Variants in CBFB observed in about 807,000 individuals in gnomAD.
CBFB encodes the protein core-binding factor subunit beta, also known as CBF-beta.
In CBFB, 9 loss-of-function variants were observed where a neutral mutation model predicts 30.4. The ratio of observed to expected loss-of-function variants is 0.30; its 90% confidence interval spans 0.18 to 0.52. The LOEUF (loss-of-function observed/expected upper bound fraction) is 0.52, where lower values mean the gene tolerates loss of function less well. Ranked by LOEUF, CBFB falls within the 20% of genes least tolerant of loss-of-function variation. The pLI is 0.97. For synonymous variants in CBFB, 94 were observed against 84.0 expected, an observed-to-expected ratio of 1.12 and a Z score of -0.65; for missense variants, 170 against 244.0, an observed-to-expected ratio of 0.70 and a Z score of 2.02.
intron 3 of CBFB, among the ~76,000 whole-genome samples, chr16:67,049,598 G>A (rs1966703490): frequency 6.6e-6 from 1 of 151,900 alleles, no homozygotes; most frequent in African/African-American, 2.4e-5. Flanking sequence ...AGGCTCAAGC[G>A]ATTCTTCCAC....
At chr16:67,072,647 G>A (rs1961259453) in intron 4 of CBFB, among the ~76,000 whole-genome samples, 1 of 151,138 alleles carries the variant, frequency 6.6e-6, no homozygotes, top group Non-Finnish European at 1.5e-5. Context: ...TGTATTTTTA[G>A]TAGAGACGGG....
intron 5 of CBFB, among the ~76,000 whole-genome samples, chr16:67,086,637 A>G (rs1042315658): frequency 5.3e-5 from 8 of 152,220 alleles, no homozygotes; most frequent in South Asian, 2.1e-4. Context: ...TCATGTAGAT[A>G]ATACATATTA....
At chr16:67,093,931 A>G (rs1386385504) in intron 5 of CBFB, among the ~76,000 whole-genome samples, 4 of 152,220 alleles carry the variant, frequency 2.6e-5, no homozygotes, top group Non-Finnish European at 5.9e-5. Context: ...TGCTTCTTAA[A>G]GCAGCTGCTT....
At chr16:67,076,191 C>T (rs1039289463) in intron 4 of CBFB, among the ~76,000 whole-genome samples, 3 of 144,332 alleles carry the variant, frequency 2.1e-5, no homozygotes, top group Non-Finnish European at 4.4e-5. Context: ...GATCGCGCCA[C>T]TGCACTCCAG....
chr16:67,051,255 G>A (rs1004142043), intron 3 of CBFB, among the ~76,000 whole-genome samples: 3 of 152,112 alleles, frequency 2.0e-5, no homozygotes, highest in African/African-American at 7.2e-5. Flanking sequence ...GTTCCGTATG[G>A]TAGCTATTAT....
At chr16:67,093,989 A>G (rs528755628) in intron 5 of CBFB, among the ~76,000 whole-genome samples, 1 of 152,164 alleles carries the variant, frequency 6.6e-6, no homozygotes, top group African/African-American at 2.4e-5. Context: ...TACTGAACCT[A>G]AATCTGTTTC....
At chr16:67,073,234 G>C (rs1961283999) in intron 4 of CBFB, among the ~76,000 whole-genome samples, 1 of 152,140 alleles carries the variant, frequency 6.6e-6, no homozygotes, top group Non-Finnish European at 1.5e-5. Context: ...AACTATTTCA[G>C]CTGAAATATT....
chr16:67,047,157 A>G (rs1272508957), intron 3 of CBFB, among the ~76,000 whole-genome samples: 2 of 152,128 alleles, frequency 1.3e-5, no homozygotes, highest in Admixed American at 1.3e-4. Flanking sequence ...TAAAAAAAAA[A>G]AAAAATTAGC....
At chr16:67,034,142 C>T (rs1050976846) in intron 2 of CBFB, among the ~76,000 whole-genome samples, 1 of 152,094 alleles carries the variant, frequency 6.6e-6, no homozygotes, top group Admixed American at 6.6e-5. Context: ...CTTACCAATT[C>T]TTATGTAGTT....
intron 3 of CBFB, among the ~76,000 whole-genome samples, chr16:67,062,178 T>G (rs1018002906): frequency 2.0e-5 from 3 of 151,946 alleles, no homozygotes; most frequent in Non-Finnish European, 4.4e-5. Flanking sequence ...AGGAAATTTT[T>G]TTTTTTTGAG....
At position 67,059,336 on chromosome 16, in the gene CBFB, A is replaced by T. The variant is rs567402533; in HGVS notation, c.283-7346A>T. On this transcript the variant is annotated intron_variant, in intron 3 of 5. Coordinates refer to ENST00000412916, the MANE Select transcript of CBFB (RefSeq NM_022845.3). ...GTTTGGTTCATTTGCTAAAAGAAGA[A>T]CATTTACCATCTCAGGCCCTGTATT... Among the ~76,000 whole-genome samples the T allele has an allele frequency of 1.4e-4, 21 of 152,304 alleles. No individual in the cohort carries two copies. The South Asian group carries it at 4.4e-3, about 32-fold the overall frequency.
chr16:67,091,453 A>G (rs563385298), intron 5 of CBFB, among the ~76,000 whole-genome samples: 1 of 152,202 alleles, frequency 6.6e-6, no homozygotes, highest in East Asian at 1.9e-4. Flanking sequence ...ATGCTCTTGT[A>G]AGTTACCTCT....
At chr16:67,070,017 C>T (rs1961174359) in intron 4 of CBFB, among the ~76,000 whole-genome samples, 1 of 152,054 alleles carries the variant, frequency 6.6e-6, no homozygotes, top group African/African-American at 2.4e-5. Context: ...GTAAAAGCAC[C>T]TGATTATTAG....
intron 3 of CBFB, 127 bp downstream of exon 3, chr16:67,036,882 C>T: frequency 1.5e-6 from 1 of 648,390 alleles, no homozygotes; most frequent in African/African-American, 1.8e-5. Context: ...TGTTTTCATT[C>T]CATGTTATAA....
chr16:67,096,118 T>C (rs996319847), intron 5 of CBFB, among the ~76,000 whole-genome samples: 1 of 150,848 alleles, frequency 6.6e-6, no homozygotes, highest in Non-Finnish European at 1.5e-5. Context: ...GAGACCAGCC[T>C]GGCCAACATG....
chr16:67,068,301 A>C (rs1213180593), intron 4 of CBFB, among the ~76,000 whole-genome samples: 2 of 152,130 alleles, frequency 1.3e-5, no homozygotes, highest in Non-Finnish European at 2.9e-5. Context: ...CAACATGGTG[A>C]GACCCCATCT....
At chr16:67,048,994 T>A (rs1966687346) in intron 3 of CBFB, among the ~76,000 whole-genome samples, 1 of 151,146 alleles carries the variant, frequency 6.6e-6, no homozygotes, top group African/African-American at 2.4e-5. Context: ...TAATTTTTTG[T>A]ATTTTTAGTA....
intron 3 of CBFB, among the ~76,000 whole-genome samples, chr16:67,044,742 A>G (rs1966593740): frequency 6.6e-6 from 1 of 152,184 alleles, no homozygotes; most frequent in African/African-American, 2.4e-5. Flanking sequence ...GTGTTTGTTT[A>G]TATACCATCC....
intron 4 of CBFB, among the ~76,000 whole-genome samples, chr16:67,073,323 G>A (rs1186650114): frequency 6.6e-6 from 1 of 152,110 alleles, no homozygotes. Context: ...TGTCAAAGCT[G>A]TCTCTATTTA....
Sources: gnomAD v4.1 joint callset for allele counts (sites outside exome capture counted in the v4.1 genomes callset) on GRCh38, gnomAD v4.1.1 for gene constraint, MANE v1.5 for transcripts, NCBI Gene and HGNC (gene_info 2026-07-23, HGNC 2026-07-21) for gene names.